The following POC1B variants were observed in gnomAD, a reference collection of about 807,000 sequenced individuals.
POC1B encodes the protein POC1 centriolar protein homolog B.
A neutral mutation model predicts 60.6 loss-of-function variants in POC1B; 44 were observed. That is an observed-to-expected ratio of 0.73 (90% confidence interval 0.57 to 0.93). POC1B has a LOEUF of 0.93. Among genes scored for constraint, POC1B ranks in the 40% least tolerant of loss-of-function variants. The pLI is 0.00. For synonymous variants in POC1B, 180 were observed against 198.9 expected (o/e 0.90, Z 0.80); for missense variants, 555 against 572.3 (o/e 0.97, Z 0.31).
At chr12:89,518,907 T>C (rs542188904) in intron 2 of POC1B, among the ~76,000 whole-genome samples, 1 of 152,232 alleles carries the variant, frequency 6.6e-6, no homozygotes, top group Admixed American at 6.5e-5. Flanking sequence ...TATAAGACCA[T>C]CTGATTTTGT....
intron 10 of POC1B, among the ~76,000 whole-genome samples, chr12:89,444,839 T>C (rs1278085771): frequency 6.6e-6 from 1 of 152,214 alleles, no homozygotes; most frequent in African/African-American, 2.4e-5. Context: ...GGTGACATGA[T>C]TGTATATTTA....
chr12:89,439,565 T>C (rs1382465591), intron 10 of POC1B, among the ~76,000 whole-genome samples: 3 of 152,176 alleles, frequency 2.0e-5, no homozygotes, highest in Non-Finnish European at 4.4e-5. Context: ...ACACTGTCCA[T>C]GAATCATATT....
At chr12:89,427,377 C>T (rs1205507604) in intron 10 of POC1B, 1 of 152,022 alleles carries the variant, frequency 6.6e-6, no homozygotes. Flanking sequence ...TACCTCACAC[C>T]ATCTACAAAA....
chr12:89,522,976 A>G, intron 2 of POC1B: 2 of 1,614,062 alleles, frequency 1.2e-6, no homozygotes, highest in South Asian at 2.2e-5. Flanking sequence ...GTTTGCTGGT[A>G]CAGGGAACCC....
intron 10 of POC1B, chr12:89,429,174 A>G (rs1880913444): frequency 6.6e-6 from 1 of 152,216 alleles, no homozygotes; most frequent in South Asian, 2.1e-4. Flanking sequence ...CAAGCAAAAA[A>G]TATATTATTA....
chr12:89,522,896 GAT>G, intron 2 of POC1B: 1 of 1,613,854 alleles, frequency 6.2e-7, no homozygotes, highest in African/African-American at 1.3e-5. Flanking sequence ...TCCGGTGTCC[GAT>G]AAGCACTAAG....
chr12:89,464,162 A>G (rs186914492), intron 9 of POC1B, among the ~76,000 whole-genome samples: 5 of 152,322 alleles, frequency 3.3e-5, no homozygotes, highest in Admixed American at 2.0e-4. Context: ...ACCTCAAAAA[A>G]AGATTTCTTA....
chr12:89,463,827 A>G (rs1279445509), intron 9 of POC1B, among the ~76,000 whole-genome samples: 2 of 152,128 alleles, frequency 1.3e-5, no homozygotes, highest in Non-Finnish European at 2.9e-5. Flanking sequence ...GGAATTAGTA[A>G]TTTATACATT....
chr12:89,413,087 C>T, the POC1B span, among the ~76,000 whole-genome samples: 4 of 152,254 alleles, frequency 2.6e-5, no homozygotes, highest in South Asian at 6.2e-4. Flanking sequence ...TTAGTAGAGA[C>T]CTGGTTTCGC....
At chr12:89,422,647 T>C (rs896903399) in intron 11 of POC1B, among the ~76,000 whole-genome samples, 12 of 152,252 alleles carry the variant, frequency 7.9e-5, no homozygotes, top group Admixed American at 5.2e-4. Flanking sequence ...TCAATGTCTA[T>C]ATCTATTAAT....
intron 10 of POC1B, chr12:89,426,648 T>G (rs1206784279): frequency 1.3e-5 from 2 of 151,812 alleles, no homozygotes; most frequent in African/African-American, 4.8e-5. Context: ...GCCAACATGG[T>G]GAAAGTCTCT....
chr12:89,411,001 G>C, the POC1B span, among the ~76,000 whole-genome samples: 4 of 152,130 alleles, frequency 2.6e-5, no homozygotes, highest in Non-Finnish European at 4.4e-5. Flanking sequence ...GCCAAATCAT[G>C]AGCAAACTCC....
intron 9 of POC1B, among the ~76,000 whole-genome samples, chr12:89,464,708 G>A (rs1373152970): frequency 2.0e-5 from 3 of 149,128 alleles, no homozygotes; most frequent in Middle Eastern, 3.3e-3. Context: ...GGCTAGTCTC[G>A]AACTCCTGAC....
intron 7 of POC1B, among the ~76,000 whole-genome samples, chr12:89,469,638 A>G (rs1156274314): frequency 1.3e-5 from 2 of 152,140 alleles, no homozygotes; most frequent in Non-Finnish European, 2.9e-5. Flanking sequence ...AAACCCACCA[A>G]CAAATTAGCA....
intron 2 of POC1B, among the ~76,000 whole-genome samples, chr12:89,511,810 T>C (rs1302501788): frequency 6.6e-6 from 1 of 152,128 alleles, no homozygotes; most frequent in Non-Finnish European, 1.5e-5. Context: ...TCTCAGCACT[T>C]TGGGAGGCCA....
At chr12:89,525,813 G>A in intron 1 of POC1B, 68 bp downstream of exon 1, 1 of 1,398,502 alleles carries the variant, frequency 7.2e-7, no homozygotes. Context: ...CTTCGGCCCG[G>A]ACCTGGCCCC....
Position 89,421,205 on chromosome 12 carries a change from T to G in POC1B, c.1385A>C (p.Asp462Ala), listed in dbSNP as rs987369573. ...RLTLTEDKLK[D>A]CLENQQKLFS... ...AAGCTTTTGCTGATTTTCAAGGCAG[T>G]CTTTCAGCTTATCCTCTGTCAAAGT... is the stretch of plus-strand genomic sequence containing the variant. Residue 462 changes from aspartate to alanine, a missense_variant, in exon 12 of 12, where the codon GAC (aspartate) becomes GCC (alanine). Physicochemically the swap from Asp to Ala is moderately radical, Grantham distance 126. Transcript: ENST00000313546. 1.2e-6 allele frequency: 2 copies of G among 1,603,858 alleles called. No individual in the cohort carries two copies. The highest frequency in any genetic ancestry group is 1.1e-5 in the South Asian group (1 of 90,340).
intron 10 of POC1B, among the ~76,000 whole-genome samples, chr12:89,449,768 T>C (rs1881963943): frequency 6.6e-6 from 1 of 152,114 alleles, no homozygotes; most frequent in Non-Finnish European, 1.5e-5. Context: ...AAATCTACAA[T>C]GATTAAAAAG....
At chr12:89,477,542 T>G (rs1462389991) in intron 4 of POC1B, among the ~76,000 whole-genome samples, 1 of 152,078 alleles carries the variant, frequency 6.6e-6, no homozygotes, top group African/African-American at 2.4e-5. Flanking sequence ...TCTCTTCTTC[T>G]CCTCTTTATT....
Sources: gnomAD v4.1 joint callset for allele counts (sites outside exome capture counted in the v4.1 genomes callset) on GRCh38, gnomAD v4.1.1 for gene constraint, MANE v1.5 for transcripts, NCBI Gene and HGNC (gene_info 2026-07-23, HGNC 2026-07-21) for gene names.